The following PLXNA1 variants were observed in gnomAD, a reference collection of about 807,000 sequenced individuals.
PLXNA1 encodes plexin-A1.
Under a neutral mutation model 191.7 loss-of-function variants are expected in PLXNA1, and 77 were observed. The observed-to-expected ratio is 0.40, with a 90% CI of 0.33 to 0.49. The LOEUF is 0.49. Ranked by LOEUF, PLXNA1 falls within the 20% of genes least tolerant of loss-of-function variation. The pLI is 0.63. For missense variants in PLXNA1, 2,110 were observed against 2,660.2 expected (o/e 0.79, Z 4.55); for synonymous variants, 1,137 against 1,156.4 (o/e 0.98, Z 0.34).
intron 2 of PLXNA1, 94 bp downstream of exon 2, chr3:126,989,881 T>G: frequency 8.8e-7 from 1 of 1,130,678 alleles, no homozygotes; most frequent in Non-Finnish European, 1.3e-6. Flanking sequence ...GTGCCTGCTG[T>G]GTGCCTGGCC....
rs370519091 is a variant in PLXNA1, at chr3:127,005,210, G to A, written c.1864G>A (p.Ala622Thr). 162 of 1,610,926 alleles carry A rather than the reference G, an allele frequency of 1.0e-4. 3 individuals carry two copies. The highest frequency in any genetic ancestry group is 9.5e-4 in the South Asian group (86 of 90,736). ...CCGGATCCACTGCCGCTCACCCTCC[G>A]CCCGGGAGGTGGCGCCCATCACGCG... ...DGRIHCRSPS[A>T]REVAPITRGQ... Residue 622 changes from alanine (A) to threonine (T), a missense_variant, in exon 7 of 32, where the codon GCC (alanine) becomes ACC (threonine). Ala to Thr is a moderately conservative substitution (Grantham distance 58). Transcript: ENST00000393409.
chr3:127,017,167 G>A, intron 17 of PLXNA1, 130 bp downstream of exon 17: 1 of 1,020,598 alleles, frequency 9.8e-7, no homozygotes, highest in Non-Finnish European at 1.4e-6. Context: ...AACCTTGGCT[G>A]TGCCTGGAGA....
In PLXNA1 at chr3:127,003,217, T is replaced by C. The variant is rs952961892; in HGVS notation, c.1378-113T>C. 4 of 1,222,206 alleles carry C rather than the reference T, an allele frequency of 3.3e-6. No homozygotes were observed. In the Admixed American group the frequency reaches 7.4e-5, roughly 23 times the overall value. The allele number at this position is 1,222,206 out of a possible 1,614,324, so 75.7% of individuals were successfully genotyped here. On this transcript the variant is annotated intron_variant, in intron 3 of 31. Transcript: ENST00000393409. ...GGCTGGCGCTGGTCCTCTCTGCTCA[T>C]GCATGTCTGGGCAGCTCAGGGAGGG...
At chr3:127,025,174 T>G (rs2079171007) in intron 23 of PLXNA1, among the ~76,000 whole-genome samples, 1 of 152,152 alleles carries the variant, frequency 6.6e-6, no homozygotes, top group African/African-American at 2.4e-5. Context: ...ACCGTTATAG[T>G]GTCACACAGA....
At chr3:126,987,857 T>C (rs913752843) in intron 1 of PLXNA1, among the ~76,000 whole-genome samples, 3 of 152,018 alleles carry the variant, frequency 2.0e-5, no homozygotes, top group African/African-American at 7.2e-5. Flanking sequence ...TTATCCAGCA[T>C]GGGGCTTGGG....
intron 10 of PLXNA1, among the ~76,000 whole-genome samples, chr3:127,012,478 C>T (rs544497926): frequency 2.0e-4 from 31 of 152,338 alleles, no homozygotes; most frequent in African/African-American, 6.3e-4. Flanking sequence ...TTGCAGCATC[C>T]GTGGGTCCCA....
At chr3:127,021,451 AAG>A (rs144710535) in intron 21 of PLXNA1, among the ~76,000 whole-genome samples, 2 of 151,986 alleles carry the variant, frequency 1.3e-5, no homozygotes, top group African/African-American at 4.8e-5. Context: ...TAGTATGAAC[AAG>A]AGAGAGAGAG....
chr3:126,987,164 C>T (rs1302340867), intron 1 of PLXNA1, among the ~76,000 whole-genome samples: 6 of 152,218 alleles, frequency 3.9e-5, no homozygotes, highest in Non-Finnish European at 8.8e-5. Flanking sequence ...CTTTCATGCC[C>T]CTTTTGCAAA....
intron 4 of PLXNA1, among the ~76,000 whole-genome samples, chr3:127,003,809 G>A (rs72959015): frequency 1.6e-3 from 249 of 152,380 alleles, no homozygotes; most frequent in African/African-American, 5.8e-3. Flanking sequence ...AGGTGTCACT[G>A]GAGGGTTTGG....
chr3:126,988,965 T>G lies in PLXNA1; in HGVS notation c.372T>G (p.Ala124=). The change falls in exon 2 of 32, where the codon GCT becomes GCG. Residue 124 remains alanine, a synonymous_variant. Coordinates refer to ENST00000393409, the MANE Select transcript of PLXNA1 (RefSeq NM_032242.4). ...AGCTGCTGCTGCTGGACTATGCCGC[T>G]AACCGCCTGCTGGCCTGTGGCAGCG... ...VNKLLLLDYA[A]NRLLACGSAS... 6.2e-7 allele frequency: 1 copy of G among 1,613,226 alleles called. No individual in the cohort carries two copies. The highest frequency in any genetic ancestry group is 1.1e-5 in the South Asian group (1 of 91,082).
At chr3:126,998,021 C>T (rs1359076906) in intron 3 of PLXNA1, among the ~76,000 whole-genome samples, 1 of 152,174 alleles carries the variant, frequency 6.6e-6, no homozygotes, top group African/African-American at 2.4e-5. Flanking sequence ...GCAGAGACCA[C>T]GATGTAGGAG....
chr3:126,984,802 C>T (rs1259967389), intron 1 of PLXNA1, among the ~76,000 whole-genome samples: 2 of 152,182 alleles, frequency 1.3e-5, no homozygotes, highest in African/African-American at 4.8e-5. Context: ...CTGTTTTGAG[C>T]CCCCAGGAAA....
At chr3:127,007,935 G>C in intron 9 of PLXNA1, 22 bp downstream of exon 9, 1 of 1,556,324 alleles carries the variant, frequency 6.4e-7, no homozygotes, top group Middle Eastern at 1.7e-4. Flanking sequence ...CAAGGGTGAG[G>C]GTCAGGTTTT....
At chr3:126,999,707 G>A (rs1198681833) in intron 3 of PLXNA1, among the ~76,000 whole-genome samples, 1 of 152,138 alleles carries the variant, frequency 6.6e-6, no homozygotes, top group African/African-American at 2.4e-5. Flanking sequence ...AGTGGGTACA[G>A]CCAGCAGGGC....
chr3:127,004,967 G>C lies in PLXNA1; in HGVS notation c.1702G>C (p.Val568Leu), dbSNP rs2079058687. Residue 568 changes from valine (V) to leucine (L), a missense_variant, in exon 6 of 32, where the codon GTG becomes CTG. Transcript: ENST00000393409. ...ADLLQCVQLT[V>L]QPRNVSVTMS... is the part of the protein sequence containing the mutation. ...CCTGCTGCAGTGTGTGCAGCTGACT[G>C]TGCAGCCCCGCAATGTGTCTGTCAC... 1.2e-6 allele frequency: 2 copies of C among 1,610,308 alleles called. No individual in the cohort carries two copies. Among genetic ancestry groups the C allele is most frequent in the Non-Finnish European group, 1.7e-6 (2 of 1,178,156 alleles).
intron 21 of PLXNA1, among the ~76,000 whole-genome samples, 156 bp from the exon 22 acceptor site, chr3:127,021,929 G>A (rs1005021981): frequency 1.3e-5 from 2 of 152,346 alleles, no homozygotes; most frequent in Non-Finnish European, 2.9e-5. Flanking sequence ...ATGACCCGCC[G>A]AGCTGAGGAG....
At chr3:126,988,429 G>A (rs1488986064) in intron 1 of PLXNA1, among the ~76,000 whole-genome samples, 92 bp from the exon 2 acceptor site, 2 of 152,224 alleles carry the variant, frequency 1.3e-5, no homozygotes, top group Non-Finnish European at 2.9e-5. Flanking sequence ...CAGTGGGCAC[G>A]CCCAGCACTG....
Position 127,018,612 on chromosome 3 carries a change from G to A in PLXNA1, c.3895+84G>A, listed in dbSNP as rs561161997. The A allele has an allele frequency of 6.7e-5, 68 of 1,018,392 alleles. No individual in the cohort carries two copies. In the Admixed American group the frequency reaches 9.7e-4, roughly 15 times the overall value. The allele number at this position is 1,018,392 out of a possible 1,614,324, so 63.1% of individuals were successfully genotyped here. On this transcript the variant is annotated intron_variant, in intron 20 of 31. Transcript: ENST00000393409. ...GTCCCCACACCTACTTCCCACCGCC[G>A]CCCCCACCCTGCTTCAGCTCAGTTT...
intron 8 of PLXNA1, among the ~76,000 whole-genome samples, chr3:127,006,551 T>C (rs761445933): frequency 6.6e-6 from 1 of 152,150 alleles, no homozygotes; most frequent in Non-Finnish European, 1.5e-5. Context: ...CACCGTGATA[T>C]GGACAGTGGC....
Sources: allele counts gnomAD v4.1 joint callset (sites outside exome capture counted in the v4.1 genomes callset), GRCh38; gene constraint gnomAD v4.1.1; transcripts MANE v1.5; gene names NCBI Gene and HGNC (gene_info 2026-07-23, HGNC 2026-07-21).